Variants in TRAPPC9 observed in about 807,000 individuals in gnomAD.
The protein encoded by TRAPPC9 is IKK2 binding protein.
TRAPPC9 carries 83 observed loss-of-function variants against 124.0 expected under a neutral mutation model. The ratio of observed to expected loss-of-function variants is 0.67; its 90% CI spans 0.56 to 0.80. The LOEUF is 0.80. Among genes scored for constraint, TRAPPC9 ranks in the 30% least tolerant of loss-of-function variants. The pLI, the probability that TRAPPC9 is intolerant of heterozygous loss-of-function variation, is 0.00. For missense variants in TRAPPC9, 1,302 were observed against 1,508.3 expected, an observed-to-expected ratio of 0.86 and a Z score of 2.27; for synonymous variants, 638 against 617.5, an observed-to-expected ratio of 1.03 and a Z score of -0.49.
At chr8:140,317,614 T>C (rs139561501) in intron 9 of TRAPPC9, among the ~76,000 whole-genome samples, 275 of 152,286 alleles carry the variant, frequency 1.8e-3, no homozygotes, top group East Asian at 0.013. Flanking sequence ...GTGATAAGAT[T>C]ATAAGTGATT....
intron 5 of TRAPPC9, among the ~76,000 whole-genome samples, chr8:140,422,284 G>A (rs979872512): frequency 9.2e-5 from 14 of 151,594 alleles, no homozygotes; most frequent in East Asian, 7.7e-4. Flanking sequence ...ACCTTAAGTC[G>A]TAGATATGAC....
intron 17 of TRAPPC9, among the ~76,000 whole-genome samples, chr8:140,212,937 C>T (rs1003557803): frequency 5.9e-5 from 9 of 151,694 alleles, no homozygotes; most frequent in Admixed American, 3.9e-4. Context: ...GGCATGGTGG[C>T]GCACACCTGT....
At chr8:139,775,228 G>A (rs1231863231) in intron 21 of TRAPPC9, among the ~76,000 whole-genome samples, 2 of 152,148 alleles carry the variant, frequency 1.3e-5, no homozygotes, top group African/African-American at 4.8e-5. Context: ...GCCCCTTCCC[G>A]CCTGCCAGTC....
At chr8:140,306,776 T>C (rs1368742494) in intron 10 of TRAPPC9, among the ~76,000 whole-genome samples, 2 of 152,328 alleles carry the variant, frequency 1.3e-5, no homozygotes, top group East Asian at 3.9e-4. Flanking sequence ...GTGCACTTGC[T>C]TCAAGGTTGC....
chr8:140,280,007 A>G (rs4560764), intron 14 of TRAPPC9, among the ~76,000 whole-genome samples: 48,743 of 152,068 alleles, frequency 0.32, 8,478 homozygotes, highest in African/African-American at 0.43. Flanking sequence ...TGGAGCCACG[A>G]TCTCCTTTAT....
intron 19 of TRAPPC9, among the ~76,000 whole-genome samples, chr8:139,955,003 A>C (rs1834883168): frequency 6.6e-6 from 1 of 152,230 alleles, no homozygotes; most frequent in South Asian, 2.1e-4. Context: ...AATTTGGAAA[A>C]GCGGTTTCAC....
chr8:140,202,436 C>T (rs1404126619), intron 17 of TRAPPC9, among the ~76,000 whole-genome samples: 3 of 152,126 alleles, frequency 2.0e-5, no homozygotes, highest in African/African-American at 7.2e-5. Context: ...AAAGTAGCAT[C>T]TTGTTTCTGT....
rs2063339246 is a variant in TRAPPC9 at position 140,221,560 on chromosome 8, G to C, written c.2455C>G (p.Pro819Ala). 1.9e-6 allele frequency: 3 copies of C among 1,614,102 alleles called. No homozygotes were observed. In the East Asian group the frequency reaches 6.7e-5, roughly 36 times the overall value. Residue 819 changes from proline (P) to alanine (A), a missense_variant, in exon 17 of 23, where the codon CCC (proline) becomes GCC (alanine). Physicochemically the swap from Pro to Ala is conservative, Grantham distance 27 (BLOSUM62 -1). This residue lies in a region of TRAPPC9 where 640 missense variants were observed against 679.3 expected (regional missense o/e 0.94). Transcript: ENST00000438773. ...ACCTGCCGAAAAGGACTGGACAGGG[G>C]AAAGCCACTCACACTGATTCCATCT... ...SDDGISVSGF[P>A]LSSPFRQVVR... is the part of the protein sequence containing the mutation.
chr8:140,313,301 C>G (rs900528818), intron 9 of TRAPPC9, among the ~76,000 whole-genome samples: 4 of 152,076 alleles, frequency 2.6e-5, no homozygotes, highest in Admixed American at 6.5e-5. Flanking sequence ...CCACCCCATA[C>G]ACACTCTCGG....
chr8:140,421,984 C>CAA (rs35152459), intron 5 of TRAPPC9, among the ~76,000 whole-genome samples: 7,766 of 43,954 alleles, frequency 0.18, 1,465 homozygotes, highest in Middle Eastern at 0.28. Flanking sequence ...TCCCTCATGA[C>CAA]AAAAAAAAAA....
intron 21 of TRAPPC9, among the ~76,000 whole-genome samples, chr8:139,868,474 T>C (rs1828690193): frequency 6.6e-6 from 1 of 152,240 alleles, no homozygotes; most frequent in Admixed American, 6.5e-5. Context: ...AGGAGCGTGC[T>C]GCAGTGGAAT....
In TRAPPC9 at chr8:140,360,133, G is replaced by A; in HGVS notation, c.1412C>T (p.Ser471Phe). The stretch of plus-strand genomic sequence containing the variant: ...GAGGGCAGGGTTCCCCATCCTTCGG[G>A]AGGCGTAGACCAATTCATGGAGCAA... ...MRLLHELVYASRRMGNPALSV... is the reference protein window; with the variant it reads ...MRLLHELVYAFRRMGNPALSV... The change falls in exon 9 of 23, where the codon TCC (serine) becomes TTC (phenylalanine). Residue 471 changes from serine (S) to phenylalanine (F), a missense_variant. By Grantham distance (155) the Ser-to-Phe change is radical. Around this residue, in one of 3 missense-constraint regions of TRAPPC9, gnomAD observed 657 missense variants for 811.2 expected, o/e 0.81. Transcript: ENST00000438773. 1 of 1,614,204 alleles carries A rather than the reference G, an allele frequency of 6.2e-7. No homozygotes were observed. Among genetic ancestry groups the A allele is most frequent in the Non-Finnish European group, 8.5e-7 (1 of 1,180,044 alleles).
At chr8:140,072,093 A>AT (rs1843191496) in intron 17 of TRAPPC9, among the ~76,000 whole-genome samples, 1 of 152,194 alleles carries the variant, frequency 6.6e-6, no homozygotes, top group South Asian at 2.1e-4. Flanking sequence ...ATGAGGGGAC[A>AT]TTTTTTTAAG....
chr8:140,349,095 A>C (rs2067441224), intron 9 of TRAPPC9, among the ~76,000 whole-genome samples: 2 of 105,312 alleles, frequency 1.9e-5, no homozygotes, highest in South Asian at 3.8e-4. Context: ...GTGCGAGGGA[A>C]GGGCAAGCGG....
rs369901834 is a variant in TRAPPC9 at position 140,332,647 on chromosome 8, AT to A, written c.1496-21274del. 5.8e-4 allele frequency among the ~76,000 whole-genome samples: 89 copies of A among 152,324 alleles called. No homozygotes were observed. The East Asian group carries it at 0.013, about 22-fold the overall frequency. ...TAAAAAATTTTAAAGTTTTAAAAAAATAAAGATAATAAATTATTAGAATCTG... is the reference window on the plus strand; with the variant it reads ...TAAAAAATTTTAAAGTTTTAAAAAAAAAAGATAATAAATTATTAGAATCTG... On this transcript the variant is annotated intron_variant, in intron 9 of 22. Coordinates refer to ENST00000438773, the MANE Select transcript of TRAPPC9 (RefSeq NM_001160372.4).
Position 140,405,623 on chromosome 8 carries a change from T to G in TRAPPC9, c.962A>C (p.Glu321Ala). The G allele has an allele frequency of 1.2e-6, 2 of 1,614,158 alleles. No individual in the cohort carries two copies. The highest frequency in any genetic ancestry group is 1.7e-6 in the Non-Finnish European group (2 of 1,179,992). The change falls in exon 6 of 23, where the codon GAA (glutamate) becomes GCA (alanine). Residue 321 changes from glutamate (E) to alanine (A), a missense_variant. By Grantham distance (107) the Glu-to-Ala change is moderately radical. This residue lies in a region of TRAPPC9 where 657 missense variants were observed against 811.2 expected (regional missense o/e 0.81). Transcript: ENST00000438773. Reference sequence around the variant, plus strand: ...CTCTTTATACTTGTCAATTATGTCTTCAGGGCTAAGGCAGTTCTTAGCACG... The same window carrying G: ...CTCTTTATACTTGTCAATTATGTCTGCAGGGCTAAGGCAGTTCTTAGCACG... ...IGRAKNCLSP[E>A]DIIDKYKEAI...
intron 15 of TRAPPC9, among the ~76,000 whole-genome samples, chr8:140,272,737 G>A (rs780207791): frequency 1.3e-5 from 2 of 151,984 alleles, no homozygotes; most frequent in Non-Finnish European, 2.9e-5. Flanking sequence ...TGAGGGGAGA[G>A]GGGAGGAGGC....
At chr8:140,444,211 CAA>C (rs35984317) in intron 2 of TRAPPC9, among the ~76,000 whole-genome samples, 34 of 66,642 alleles carry the variant, frequency 5.1e-4, no homozygotes, top group Admixed American at 8.6e-4. Flanking sequence ...GACTCTGTCT[CAA>C]AAAAAAAAAA....
chr8:139,991,202 A>AT (rs1241772228), intron 18 of TRAPPC9, among the ~76,000 whole-genome samples: 11 of 152,350 alleles, frequency 7.2e-5, no homozygotes, highest in Non-Finnish European at 1.2e-4. Flanking sequence ...AATTGAAGTG[A>AT]TTTTTTAAAA....
Sources: allele counts gnomAD v4.1 joint callset (sites outside exome capture counted in the v4.1 genomes callset), GRCh38; gene constraint gnomAD v4.1.1; regional missense constraint gnomAD v4.1.1; transcripts MANE v1.5; gene names NCBI Gene and HGNC (gene_info 2026-07-23, HGNC 2026-07-21).